The following SPNS2 variants were observed in gnomAD, a reference collection of about 807,000 sequenced individuals.
SPNS2 encodes SPNS lysolipid transporter 2, sphingosine-1-phosphate, also known as sphingosine-1-phosphate transporter SPNS2.
Under a neutral mutation model 57.6 loss-of-function variants are expected in SPNS2, and 37 were observed. That is an observed-to-expected ratio of 0.64 (90% CI 0.49 to 0.85). SPNS2 has a LOEUF of 0.85. SPNS2 is among the 40% of genes least tolerant of loss of function. SPNS2 has a pLI of 0.00. For synonymous variants in SPNS2, 440 were observed against 346.9 expected, an observed-to-expected ratio of 1.27 and a Z score of -2.98; for missense variants, 831 against 779.1, an observed-to-expected ratio of 1.07 and a Z score of -0.79.
chr17:4,500,285 T>C (rs988888254), intron 1 of SPNS2, among the ~76,000 whole-genome samples: 1 of 152,192 alleles, frequency 6.6e-6, no homozygotes, highest in African/African-American at 2.4e-5. Flanking sequence ...AGCGTGTGTT[T>C]AGGTCTGTTT....
At position 4,525,135 on chromosome 17, in the gene SPNS2, G is replaced by C; in HGVS notation, c.515G>C (p.Ser172Thr). The C allele has an allele frequency of 6.2e-7, 1 of 1,614,222 alleles. No individual in the cohort carries two copies. Among genetic ancestry groups the C allele is most frequent in the East Asian group, 2.2e-5 (1 of 44,886 alleles). ...GDRFNRKVIL[S>T]CGIFFWSAVT... The stretch of plus-strand genomic sequence containing the variant: ...CGCTTCAACAGGAAGGTGATTCTCA[G>C]CTGCGGCATTTTCTTCTGGTCGGCC... Residue 172 changes from serine (S) to threonine (T), a missense_variant, in exon 3 of 13, where the codon AGC (serine) becomes ACC (threonine). This residue lies in a region of SPNS2 where 305 missense variants were observed against 378.3 expected (regional missense o/e 0.81). Transcript: ENST00000329078.
chr17:4,536,748 A>G (rs1905837399), intron 11 of SPNS2, 152 bp from the exon 12 acceptor site: 1 of 680,594 alleles, frequency 1.5e-6, no homozygotes, highest in Non-Finnish European at 2.6e-6. Context: ...TCCTCTCCCC[A>G]CCCCTGGGCT....
In SPNS2 at chr17:4,506,442, G is replaced by C. The variant is rs147245070; in HGVS notation, c.371-6805G>C. ...TATCCCTGGCCCCTGGTGGTCTTGG[G>C]AGTCCCTGGGCCAGGACAGGGCTGG... On this transcript the variant is annotated intron_variant, in intron 1 of 12. Transcript: ENST00000329078. Among the ~76,000 whole-genome samples, 127 of 152,320 alleles carry C rather than the reference G, an allele frequency of 8.3e-4. 1 individual carries two copies. Among genetic ancestry groups the C allele is most frequent in the African/African-American group, 2.9e-3 (120 of 41,562 alleles).
intron 3 of SPNS2, among the ~76,000 whole-genome samples, chr17:4,528,130 C>A (rs1300975949): frequency 6.6e-6 from 1 of 151,818 alleles, no homozygotes; most frequent in Non-Finnish European, 1.5e-5. Flanking sequence ...TCAAGCGATT[C>A]TCCTGCCTCA....
chr17:4,524,982 A>T, intron 2 of SPNS2, 75 bp from the exon 3 acceptor site: 1 of 1,576,058 alleles, frequency 6.3e-7, no homozygotes, highest in Non-Finnish European at 8.7e-7. Context: ...TCTTGGCCCC[A>T]AGCCGGAGTG....
intron 3 of SPNS2, among the ~76,000 whole-genome samples, chr17:4,526,067 CG>C (rs1446011517): frequency 6.6e-6 from 1 of 152,280 alleles, no homozygotes; most frequent in East Asian, 1.9e-4. Context: ...ACCCAGGCTT[CG>C]GGGTAGGAAG....
At chr17:4,515,318 C>T (rs953340357) in intron 2 of SPNS2, among the ~76,000 whole-genome samples, 10 of 152,190 alleles carry the variant, frequency 6.6e-5, no homozygotes, top group African/African-American at 2.4e-4. Context: ...GATACAGGGA[C>T]AAAGGCCCAA....
rs1334657053 is a variant in SPNS2, at chr17:4,538,477, G to T, written c.*1029G>T. On this transcript the variant is annotated 3_prime_UTR_variant, in exon 13 of 13. Coordinates refer to ENST00000329078, the MANE Select transcript of SPNS2 (RefSeq NM_001124758.3). ...ATTCCACCAAGTGACCCCAGGGGGGGGCCAGGCCTTCGATCACCCACCTCC... is the reference window on the plus strand; with the variant it reads ...ATTCCACCAAGTGACCCCAGGGGGGTGCCAGGCCTTCGATCACCCACCTCC... 5 of 194,308 alleles carry T rather than the reference G, an allele frequency of 2.6e-5. No individual in the cohort carries two copies. Among genetic ancestry groups the T allele is most frequent in the Non-Finnish European group, 5.1e-5 (5 of 98,074 alleles). The allele number at this position is 194,308 out of a possible 1,614,324, so 12.0% of individuals were successfully genotyped here. A position where few individuals can be genotyped will look rare whatever the true frequency, so the allele number is the denominator to read the frequency against.
At chr17:4,531,722 A>C (rs1160743673) in intron 5 of SPNS2, among the ~76,000 whole-genome samples, 1 of 152,090 alleles carries the variant, frequency 6.6e-6, no homozygotes, top group Non-Finnish European at 1.5e-5. Context: ...GGTGGCAGGC[A>C]GAGGAACTCC....
At chr17:4,515,725 C>T (rs547359292) in intron 2 of SPNS2, among the ~76,000 whole-genome samples, 11 of 152,348 alleles carry the variant, frequency 7.2e-5, no homozygotes, top group African/African-American at 1.7e-4. Flanking sequence ...AGGTGGAGGG[C>T]GCCAGCCAGG....
Position 4,533,294 on chromosome 17 carries a change from G to T in SPNS2, c.1140G>T (p.Thr380=). The change falls in exon 8 of 13, where the codon ACG becomes ACT. Residue 380 remains threonine (T), a synonymous_variant. Transcript: ENST00000329078. ...TCFTGFLGVV[T]GAGATRWCRL... ...TTACGGGATTTCTGGGCGTGGTCAC[G>T]GGGGCAGGAGCCACGCGCTGGTGCC... 6.2e-7 allele frequency: 1 copy of T among 1,610,592 alleles called. No individual in the cohort carries two copies. The highest frequency in any genetic ancestry group is 1.3e-5 in the African/African-American group (1 of 75,012).
chr17:4,533,952 G>T, intron 9 of SPNS2, 99 bp downstream of exon 9: 7 of 1,135,480 alleles, frequency 6.2e-6, no homozygotes, highest in Non-Finnish European at 7.8e-6. Context: ...GGGAGAGCTG[G>T]TAGGAAGGCA....
chr17:4,528,579 C>T (rs755521201), intron 3 of SPNS2, among the ~76,000 whole-genome samples: 3 of 151,930 alleles, frequency 2.0e-5, no homozygotes, highest in South Asian at 2.1e-4. Flanking sequence ...CAGGTTCAAG[C>T]GATTCTCCTG....
rs570291365 is a variant in SPNS2, at chr17:4,506,206, G to C, written c.370+6789G>C. On this transcript the variant is annotated intron_variant, in intron 1 of 12. Coordinates refer to ENST00000329078, the MANE Select transcript of SPNS2 (RefSeq NM_001124758.3). Reference sequence around the variant, plus strand: ...CTTCTGCACGTCAGCTTCCATCCGAGGCGGGGAGCAGCAGTCCCTGGCCGC... The same window carrying C: ...CTTCTGCACGTCAGCTTCCATCCGACGCGGGGAGCAGCAGTCCCTGGCCGC... 2.6e-5 allele frequency among the ~76,000 whole-genome samples: 4 copies of C among 152,320 alleles called. No homozygotes were observed. In the South Asian group the frequency reaches 8.3e-4, roughly 32 times the overall value.
Position 4,538,788 on chromosome 17 carries a change from C to T in SPNS2, c.*1340C>T. 1 of 750,904 alleles carries T rather than the reference C, an allele frequency of 1.3e-6. No individual in the cohort carries two copies. Among genetic ancestry groups the T allele is most frequent in the East Asian group, 2.4e-5 (1 of 40,866 alleles). 46.5% of individuals were successfully genotyped at this position (750,904 alleles called of 1,614,324 possible). A position where few individuals can be genotyped will look rare whatever the true frequency, so the allele number is the denominator to read the frequency against. On this transcript the variant is annotated 3_prime_UTR_variant, in exon 13 of 13. Coordinates refer to ENST00000329078, the MANE Select transcript of SPNS2 (RefSeq NM_001124758.3). ...ACCAAGCTCTGGGGTACCCCGAGGGCCTGACAAGAGGATGGGGTGGGGGTG... is the reference window on the plus strand; with the variant it reads ...ACCAAGCTCTGGGGTACCCCGAGGGTCTGACAAGAGGATGGGGTGGGGGTG...
intron 3 of SPNS2, among the ~76,000 whole-genome samples, chr17:4,526,614 A>G (rs1472616797): frequency 1.3e-5 from 2 of 151,946 alleles, no homozygotes; most frequent in African/African-American, 2.4e-5. Context: ...AAAAAAAAAA[A>G]AAGAAAAAGA....
In SPNS2 at chr17:4,533,732, T is replaced by A. The variant is rs1217554249; in HGVS notation, c.1279-56T>A. On this transcript the variant is annotated intron_variant, in intron 8 of 12. Coordinates refer to ENST00000329078, the MANE Select transcript of SPNS2 (RefSeq NM_001124758.3). ...CAGCCAGTGTGTAGGGAACAGAGAC[T>A]GTGGTTGCTGCGGATGGAGGGACCG... 2.5e-6 allele frequency: 4 copies of A among 1,590,508 alleles called. No individual in the cohort carries two copies. In the East Asian group the frequency reaches 6.7e-5, roughly 27 times the overall value.
At chr17:4,524,496 C>G (rs900610133) in intron 2 of SPNS2, among the ~76,000 whole-genome samples, 6 of 152,172 alleles carry the variant, frequency 3.9e-5, no homozygotes, top group African/African-American at 1.4e-4. Flanking sequence ...ACTAGCCTGG[C>G]CAACATGGCA....
intron 2 of SPNS2, among the ~76,000 whole-genome samples, chr17:4,517,010 T>C (rs543732873): frequency 1.1e-4 from 16 of 152,372 alleles, no homozygotes; most frequent in Admixed American, 9.2e-4. Flanking sequence ...CCCAGATTCA[T>C]CAAGGGAACG....
Sources: allele counts gnomAD v4.1 joint callset (sites outside exome capture counted in the v4.1 genomes callset), GRCh38; gene constraint gnomAD v4.1.1; regional missense constraint gnomAD v4.1.1; transcripts MANE v1.5; gene names NCBI Gene and HGNC (gene_info 2026-07-23, HGNC 2026-07-21).